The following MYPN variants were observed in gnomAD, a reference collection of about 807,000 sequenced individuals.
MYPN encodes the protein myopalladin.
In MYPN, 63 loss-of-function variants were observed where a neutral mutation model predicts 129.4. That is an observed-to-expected ratio of 0.49 (90% CI 0.40 to 0.60). The LOEUF (loss-of-function observed/expected upper bound fraction) is 0.60. Ranked by LOEUF, MYPN falls within the 20% of genes least tolerant of loss-of-function variation. MYPN has a pLI of 0.00. For missense variants in MYPN, 1,596 were observed against 1,635.4 expected (o/e 0.98, Z 0.42); for synonymous variants, 629 against 600.9 (o/e 1.05, Z -0.68).
At chr10:68,129,628 C>A (rs1380476990) in intron 2 of MYPN, among the ~76,000 whole-genome samples, 1 of 152,156 alleles carries the variant, frequency 6.6e-6, no homozygotes, top group Non-Finnish European at 1.5e-5. Flanking sequence ...ATAACTTCAA[C>A]TTTATGATAA....
chr10:68,179,889 C>G (rs1329162616), intron 12 of MYPN, among the ~76,000 whole-genome samples: 4 of 152,130 alleles, frequency 2.6e-5, no homozygotes, highest in African/African-American at 9.7e-5. Flanking sequence ...TAAAAACACA[C>G]AGAAATTAAA....
intron 6 of MYPN, chr10:68,158,239 T>C (rs2042914283): frequency 2.1e-6 from 1 of 476,096 alleles, no homozygotes; most frequent in Non-Finnish European, 3.8e-6. Flanking sequence ...TGACCATCCC[T>C]GATAGAGGAG....
chr10:68,165,891 T>G, intron 9 of MYPN, 73 bp downstream of exon 9: 1 of 1,214,706 alleles, frequency 8.2e-7, no homozygotes, highest in Admixed American at 1.7e-5. Context: ...TGTGTTTCCA[T>G]TCCTTCCTGT....
chr10:68,195,613 A>G, intron 15 of MYPN, 81 bp downstream of exon 15: 1 of 1,141,714 alleles, frequency 8.8e-7, no homozygotes. Context: ...TACTGGATCC[A>G]CAAATTCTTA....
At chr10:68,161,470 G>A (rs995608827) in intron 7 of MYPN, among the ~76,000 whole-genome samples, 4 of 150,958 alleles carry the variant, frequency 2.6e-5, no homozygotes, top group Admixed American at 2.0e-4. Context: ...AGCTGAGATC[G>A]TGCCATTGCA....
At chr10:68,204,444 G>A (rs750738654) in intron 18 of MYPN, among the ~76,000 whole-genome samples, 32 of 152,094 alleles carry the variant, frequency 2.1e-4, no homozygotes, top group Non-Finnish European at 3.7e-4. Context: ...CAAACTGACC[G>A]GGCGCAGTGG....
intron 1 of MYPN, among the ~76,000 whole-genome samples, chr10:68,098,700 C>A (rs925250599): frequency 6.6e-6 from 1 of 151,556 alleles, no homozygotes; most frequent in Non-Finnish European, 1.5e-5. Flanking sequence ...AAAATTAGCC[C>A]GGTGTGGTGG....
upstream of MYPN, chr10:68,106,504 T>C (rs1222790032): frequency 5.0e-6 from 3 of 595,144 alleles, no homozygotes; most frequent in Middle Eastern, 4.5e-4. Flanking sequence ...GGCTAAAAAA[T>C]ACATACTTTC....
At chr10:68,203,728 G>C (rs1315149576) in intron 18 of MYPN, among the ~76,000 whole-genome samples, 10 of 123,942 alleles carry the variant, frequency 8.1e-5, no homozygotes, top group East Asian at 4.2e-4. Flanking sequence ...CACAGAGAGA[G>C]AGAGAGAGAG....
upstream of MYPN, among the ~76,000 whole-genome samples, chr10:68,108,815 C>T (rs542872372): frequency 6.6e-6 from 1 of 152,122 alleles, no homozygotes; most frequent in East Asian, 1.9e-4. Flanking sequence ...TCTACCTCCC[C>T]GGTTCAAGTG....
chr10:68,182,465 CAT>C (rs372702266), intron 12 of MYPN, among the ~76,000 whole-genome samples: 125 of 89,354 alleles, frequency 1.4e-3, no homozygotes, highest in African/African-American at 4.6e-3. Context: ...ATATATATAA[CAT>C]ATATACACAC....
In MYPN at chr10:68,143,653, A is replaced by G. The variant is rs559435213; in HGVS notation, c.1078+538A>G. Among the ~76,000 whole-genome samples, 9 of 152,312 alleles carry G rather than the reference A, an allele frequency of 5.9e-5. No individual in the cohort carries two copies. In the East Asian group the frequency reaches 7.7e-4, roughly 13 times the overall value. Reference sequence around the variant, plus strand: ...CAGATCACAAAAGTCCTTGTAGGTCATTGCAAGGACTTTGGTTTTGACCCT... The same window carrying G: ...CAGATCACAAAAGTCCTTGTAGGTCGTTGCAAGGACTTTGGTTTTGACCCT... On this transcript the variant is annotated intron_variant, in intron 3 of 19. Coordinates refer to ENST00000358913, the MANE Select transcript of MYPN (RefSeq NM_032578.4).
chr10:68,136,223 C>T, intron 2 of MYPN: 1 of 986,128 alleles, frequency 1.0e-6, no homozygotes, highest in Non-Finnish European at 1.2e-6. Flanking sequence ...TGCTAGCTAG[C>T]CAAATGAGCA....
Position 68,143,740 on chromosome 10 carries a change from G to GT in MYPN, c.1078+631dup, listed in dbSNP as rs1564659617. ...GACATGACATGATCTTAGTTTTTTT[G>GT]TTTTTTGTTTTGTTTTGTTTTGTTT... On this transcript the variant is annotated intron_variant, in intron 3 of 19. Coordinates refer to ENST00000358913, the MANE Select transcript of MYPN (RefSeq NM_032578.4). Among the ~76,000 whole-genome samples the GT allele has an allele frequency of 3.9e-5, 6 of 151,996 alleles. No homozygotes were observed. In the South Asian group the frequency reaches 1.2e-3, roughly 32 times the overall value.
Position 68,211,696 on chromosome 10 carries a change from T to G in MYPN, c.*1241T>G, listed in dbSNP as rs1274473134. 3 of 454,038 alleles carry G rather than the reference T, an allele frequency of 6.6e-6. No individual in the cohort carries two copies. Among genetic ancestry groups the G allele is most frequent in the African/African-American group, 6.0e-5 (3 of 50,016 alleles). The allele number at this position is 454,038 out of a possible 1,614,324, so 28.1% of individuals were successfully genotyped here. ...AGACATTCAATAAATATTTGCTGGT[T>G]GAATGAATCTTCTGTTATTATGTCT... is the stretch of plus-strand genomic sequence containing the variant. On this transcript the variant is annotated 3_prime_UTR_variant, in exon 20 of 20. Transcript: ENST00000358913.
chr10:68,095,586 A>C (rs1383196269), intron 1 of MYPN, among the ~76,000 whole-genome samples: 2 of 152,190 alleles, frequency 1.3e-5, no homozygotes, highest in Admixed American at 1.3e-4. Flanking sequence ...TCTGTTACAG[A>C]GTCTTACTTC....
At chr10:68,116,235 T>C (rs1178214176) in intron 1 of MYPN, among the ~76,000 whole-genome samples, 3 of 152,214 alleles carry the variant, frequency 2.0e-5, no homozygotes, top group East Asian at 3.9e-4. Flanking sequence ...AATTTTATAA[T>C]AGTTATAAAA....
chr10:68,090,411 C>T (rs780933890), intron 1 of MYPN, among the ~76,000 whole-genome samples: 5 of 152,188 alleles, frequency 3.3e-5, no homozygotes, highest in Admixed American at 1.3e-4. Flanking sequence ...GTGATCTACC[C>T]GCCTCGGCCT....
intron 18 of MYPN, among the ~76,000 whole-genome samples, chr10:68,202,917 G>T (rs989383689): frequency 6.6e-6 from 1 of 152,102 alleles, no homozygotes; most frequent in African/African-American, 2.4e-5. Context: ...ACTTAAGCAA[G>T]AACAGAGAAT....
Sources: gnomAD v4.1 joint callset for allele counts (sites outside exome capture counted in the v4.1 genomes callset) on GRCh38, gnomAD v4.1.1 for gene constraint, MANE v1.5 for transcripts, NCBI Gene and HGNC (gene_info 2026-07-23, HGNC 2026-07-21) for gene names.